Variants in BRCA2 observed in about 807,000 individuals in gnomAD.
BRCA2 encodes breast cancer type 2 susceptibility protein.
Under a neutral mutation model 276.7 loss-of-function variants are expected in BRCA2, and 203 were observed. That is an observed-to-expected ratio of 0.73 (90% CI 0.65 to 0.82). BRCA2 has a LOEUF of 0.82. Ranked by LOEUF, BRCA2 falls within the 40% of genes least tolerant of loss-of-function variation. The pLI is 0.00. For synonymous variants in BRCA2, 1,289 were observed against 1,338.4 expected (o/e 0.96, Z 0.81); for missense variants, 3,920 against 3,915.0 (o/e 1.00, Z -0.03).
chr13:32,325,697 T>G (rs113163937), intron 4 of BRCA2, among the ~76,000 whole-genome samples: 5 of 151,936 alleles, frequency 3.3e-5, no homozygotes, highest in African/African-American at 1.2e-4. Context: ...CCCGCCACCA[T>G]GCCCGGCTAA....
At chr13:32,330,167 T>C (rs1266576762) in intron 8 of BRCA2, among the ~76,000 whole-genome samples, 2 of 152,222 alleles carry the variant, frequency 1.3e-5, no homozygotes, top group Non-Finnish European at 2.9e-5. Context: ...GCTCTATGCT[T>C]TCTGGCGTAA....
chr13:32,379,222 T>G (rs2072894959), intron 21 of BRCA2, 95 bp from the exon 22 acceptor site: 2 of 1,150,590 alleles, frequency 1.7e-6, no homozygotes, highest in Admixed American at 2.0e-5. Context: ...AGCTCTAATT[T>G]TGTTGTATTT....
chr13:32,339,699 C>CA lies in BRCA2; in HGVS notation c.5351dup (p.Asn1784LysfsTer3), dbSNP rs80359507. On this transcript the variant is annotated frameshift_variant, in exon 11 of 27. Transcript: ENST00000380152. LOFTEE classifies it high-confidence loss of function. ...GCCAGTATTGAAGAATGTTGAAGAT[C>CA]AAAAAAACACTAGTTTTTCCAAAGT... 2.5e-6 allele frequency: 4 copies of CA among 1,612,656 alleles called. No individual in the cohort carries two copies. The highest frequency in any genetic ancestry group is 1.7e-5 in the Admixed American group (1 of 59,962).
chr13:32,355,641 C>T (rs1252001987), intron 14 of BRCA2, among the ~76,000 whole-genome samples: 2 of 152,112 alleles, frequency 1.3e-5, no homozygotes. Context: ...GCGGGCGGAT[C>T]ACCTGAGGTC....
intron 20 of BRCA2, among the ~76,000 whole-genome samples, chr13:32,371,934 A>G (rs2072837497): frequency 6.6e-6 from 1 of 152,266 alleles, no homozygotes; most frequent in Non-Finnish European, 1.5e-5. Context: ...GCCAATGATC[A>G]TCTGAGCCTT....
At chr13:32,350,546 G>A (rs1175816885) in intron 13 of BRCA2, among the ~76,000 whole-genome samples, 4 of 151,964 alleles carry the variant, frequency 2.6e-5, no homozygotes, top group Non-Finnish European at 4.4e-5. Context: ...TCAGGAGATC[G>A]AGACCATCCT....
intron 13 of BRCA2, among the ~76,000 whole-genome samples, chr13:32,351,661 A>T (rs1426692411): frequency 6.6e-6 from 1 of 152,188 alleles, no homozygotes; most frequent in East Asian, 1.9e-4. Flanking sequence ...TCAAGAAGAA[A>T]CATGTCACTT....
intron 16 of BRCA2, among the ~76,000 whole-genome samples, chr13:32,361,301 G>C (rs575369082): frequency 6.6e-6 from 1 of 152,144 alleles, no homozygotes; most frequent in African/African-American, 2.4e-5. Flanking sequence ...GAGATTGGCC[G>C]CTGGATTTAG....
chr13:32,380,081 C>T lies in BRCA2; in HGVS notation c.9192C>T (p.Asp3064=), dbSNP rs977632308. Residue 3064 remains aspartate, a synonymous_variant, in exon 24 of 27, where the codon GAC becomes GAT. Transcript: ENST00000380152. ...ACTTCAGCAAATTTTTAGATCCAGA[C>T]TTTCAGCCATCTTGTTCTGAGGTGG... is the stretch of plus-strand genomic sequence containing the variant. The part of the protein sequence containing the change: ...PLHFSKFLDP[D]FQPSCSEVDL... 2 of 1,614,076 alleles carry T rather than the reference C, an allele frequency of 1.2e-6. No individual in the cohort carries two copies. The highest frequency in any genetic ancestry group is 1.7e-6 in the Non-Finnish European group (2 of 1,179,966).
intron 2 of BRCA2, among the ~76,000 whole-genome samples, chr13:32,318,520 C>T (rs1324403201): frequency 6.6e-6 from 1 of 151,996 alleles, no homozygotes; most frequent in Admixed American, 6.6e-5. Flanking sequence ...CGGCTCACTG[C>T]AACCACCGCC....
chr13:32,389,130 C>T (rs923729738), intron 24 of BRCA2, among the ~76,000 whole-genome samples: 5 of 152,134 alleles, frequency 3.3e-5, no homozygotes, highest in Non-Finnish European at 5.9e-5. Context: ...CAGCAGTCTA[C>T]TAGTATCAAT....
intron 20 of BRCA2, 137 bp from the exon 21 acceptor site, chr13:32,376,533 A>AAG: frequency 9.7e-7 from 1 of 1,032,094 alleles, no homozygotes; most frequent in Non-Finnish European, 1.4e-6. Context: ...AAAAAAAAAA[A>AAG]AAGAAAAAAC....
chr13:32,396,472 G>A (rs1372575049), intron 25 of BRCA2, among the ~76,000 whole-genome samples: 1 of 152,158 alleles, frequency 6.6e-6, no homozygotes, highest in Non-Finnish European at 1.5e-5. Context: ...ATTAATTCTT[G>A]GAACAGACGT....
In BRCA2 at chr13:32,326,613, G is replaced by C. The variant is rs80358871; in HGVS notation, c.631G>C (p.Val211Leu). The change falls in exon 7 of 27, where the codon GTC (valine) becomes CTC (leucine). Residue 211 changes from valine (V) to leucine (L), a missense_variant and splice_region_variant. This residue lies in a region of BRCA2 where 3,263 missense variants were observed against 3,156.9 expected (regional missense o/e 1.03). Transcript: ENST00000380152. ...PPTLSSTVLI[V>L]RNEEASETVF... ...CACCCTTAGTTCTACTGTGCTCATA[G>C]GTAATAATAGCAAATGTGTATTTAC... 6.3e-7 allele frequency: 1 copy of C among 1,576,548 alleles called. No homozygotes were observed. The highest frequency in any genetic ancestry group is 8.7e-7 in the Non-Finnish European group (1 of 1,146,604).
At position 32,346,848 on chromosome 13, in the gene BRCA2, T is replaced by C. The variant is rs80358923; in HGVS notation, c.6959T>C (p.Leu2320Ser). 6.2e-7 allele frequency: 1 copy of C among 1,609,302 alleles called. No individual in the cohort carries two copies. ...TPDGTIKDRR[L>S]FMHHVSLEPI... ...CTAGGCACAATAAAAGATCGAAGATTGTTTATGCATCATGTTTCTTTAGAG... is the reference window on the plus strand; with the variant it reads ...CTAGGCACAATAAAAGATCGAAGATCGTTTATGCATCATGTTTCTTTAGAG... The change falls in exon 13 of 27, where the codon TTG becomes TCG. Residue 2320 changes from leucine (L) to serine (S), a missense_variant. Around this residue, in one of 2 missense-constraint regions of BRCA2, gnomAD observed 3,263 missense variants for 3,156.9 expected, o/e 1.03. Transcript: ENST00000380152.
chr13:32,371,598 T>C (rs570759798), intron 20 of BRCA2, among the ~76,000 whole-genome samples: 1 of 152,296 alleles, frequency 6.6e-6, no homozygotes, highest in African/African-American at 2.4e-5. Flanking sequence ...AAGTTACATG[T>C]CCTATAGAAC....
chr13:32,397,330 C>T (rs1040109515), intron 26 of BRCA2, among the ~76,000 whole-genome samples: 3 of 152,290 alleles, frequency 2.0e-5, no homozygotes, highest in African/African-American at 7.2e-5. Context: ...TGTTTCTAAG[C>T]TGTTTGTAAG....
chr13:32,399,156 GA>G lies in BRCA2; in HGVS notation c.*390del, dbSNP rs2073062913. 1 of 235,842 alleles carries G rather than the reference GA, an allele frequency of 4.2e-6. No homozygotes were observed. The highest frequency in any genetic ancestry group is 1.3e-4 in the South Asian group (1 of 7,524). The allele number at this position is 235,842 out of a possible 1,614,324, so 14.6% of individuals were successfully genotyped here. On this transcript the variant is annotated 3_prime_UTR_variant, in exon 27 of 27. Transcript: ENST00000380152. ...ATCTTTACAAAGAAAAAAAAAAGGG[GA>G]AAAGAAAATCTTTTAAATCTTTGGA...
At chr13:32,376,834 C>G in intron 21 of BRCA2, 43 bp downstream of exon 21, 1 of 1,609,738 alleles carries the variant, frequency 6.2e-7, no homozygotes, top group South Asian at 1.1e-5. Context: ...GATGATTATT[C>G]AAGGTGAGAA....
Sources: allele counts gnomAD v4.1 joint callset (sites outside exome capture counted in the v4.1 genomes callset), GRCh38; gene constraint gnomAD v4.1.1; regional missense constraint gnomAD v4.1.1; transcripts MANE v1.5; gene names NCBI Gene and HGNC (gene_info 2026-07-23, HGNC 2026-07-21).